The following PNPT1 variants were observed in gnomAD, a reference collection of about 807,000 sequenced individuals.
PNPT1 encodes polyribonucleotide nucleotidyltransferase 1.
Under a neutral mutation model 119.5 loss-of-function variants are expected in PNPT1, and 53 were observed. The observed-to-expected ratio is 0.44, with a 90% CI of 0.36 to 0.56. PNPT1 has a LOEUF of 0.56. Ranked by LOEUF, PNPT1 falls within the 20% of genes least tolerant of loss-of-function variation. The pLI is 0.00. For missense variants in PNPT1, 948 were observed against 938.5 expected (o/e 1.01, Z -0.13); for synonymous variants, 357 against 322.1 (o/e 1.11, Z -1.16).
chr2:55,679,626 G>C, intron 8 of PNPT1, 56 bp downstream of exon 8: 1 of 1,284,294 alleles, frequency 7.8e-7, no homozygotes, highest in African/African-American at 1.5e-5. Flanking sequence ...TTCAGTTTAA[G>C]AAGCCAGAAC....
intron 25 of PNPT1, 86 bp downstream of exon 25, chr2:55,643,072 C>A: frequency 7.1e-7 from 1 of 1,409,756 alleles, no homozygotes; most frequent in Non-Finnish European, 1.0e-6. Flanking sequence ...TACAATGGCA[C>A]CACTGTATCC....
rs184926689 is a variant in PNPT1, at chr2:55,641,137, T to C, written c.2070-432A>G. Among the ~76,000 whole-genome samples the C allele has an allele frequency of 7.7e-3, 1,176 of 152,134 alleles. 11 individuals carry two copies. Among genetic ancestry groups the C allele is most frequent in the Non-Finnish European group, 0.012 (841 of 67,984 alleles). On this transcript the variant is annotated intron_variant, in intron 25 of 27. Transcript: ENST00000447944. ...TACTCAGGAGGGTGAGGCAGGAGAA[T>C]TGTTTGAACCCGAAAGGCGGAGGTG...
At chr2:55,691,587 T>C (rs1268938857) in intron 1 of PNPT1, among the ~76,000 whole-genome samples, 1 of 152,150 alleles carries the variant, frequency 6.6e-6, no homozygotes, top group Admixed American at 6.6e-5. Flanking sequence ...AGATTATTTA[T>C]GGAAAATATG....
intron 8 of PNPT1, among the ~76,000 whole-genome samples, chr2:55,674,917 A>T (rs1282678555): frequency 6.6e-6 from 1 of 152,232 alleles, no homozygotes; most frequent in Admixed American, 6.5e-5. Flanking sequence ...GGAGATTTTT[A>T]AAAATTCATT....
intron 18 of PNPT1, 53 bp downstream of exon 18, chr2:55,654,847 C>T: frequency 6.6e-7 from 1 of 1,524,072 alleles, no homozygotes; most frequent in East Asian, 2.3e-5. Flanking sequence ...AGGCTCATGC[C>T]TGGGATTACA....
chr2:55,639,962 C>A (rs77661583), intron 26 of PNPT1, among the ~76,000 whole-genome samples: 3,615 of 152,216 alleles, frequency 0.024, 142 homozygotes, highest in African/African-American at 0.082. Flanking sequence ...TTTAAGATAA[C>A]CAGCTGTACC....
At chr2:55,648,901 A>G (rs1229038097) in intron 18 of PNPT1, among the ~76,000 whole-genome samples, 1 of 152,096 alleles carries the variant, frequency 6.6e-6, no homozygotes, top group African/African-American at 2.4e-5. Flanking sequence ...ACCATCTTTC[A>G]TTTGTTTAAA....
chr2:55,652,326 C>T (rs1431381212), intron 18 of PNPT1, among the ~76,000 whole-genome samples: 1 of 152,196 alleles, frequency 6.6e-6, no homozygotes, highest in Non-Finnish European at 1.5e-5. Flanking sequence ...TGTATCGGCC[C>T]ATCCCACAGG....
At chr2:55,652,612 C>A (rs2104060584) in intron 18 of PNPT1, among the ~76,000 whole-genome samples, 2 of 152,164 alleles carry the variant, frequency 1.3e-5, no homozygotes, top group Middle Eastern at 3.4e-3. Context: ...TTAAGCAGTC[C>A]CTTTGCTCAT....
chr2:55,666,184 G>T (rs1329886447), intron 13 of PNPT1, among the ~76,000 whole-genome samples: 1 of 152,166 alleles, frequency 6.6e-6, no homozygotes, highest in Non-Finnish European at 1.5e-5. Flanking sequence ...CTGAGGAGGT[G>T]GGGGGCAGGA....
At chr2:55,682,162 C>T (rs1697267959) in intron 5 of PNPT1, among the ~76,000 whole-genome samples, 1 of 150,870 alleles carries the variant, frequency 6.6e-6, no homozygotes, top group African/African-American at 2.4e-5. Flanking sequence ...ACAAACAAAC[C>T]AATAAAAAAT....
chr2:55,637,960 A>G (rs1160653762), intron 26 of PNPT1, among the ~76,000 whole-genome samples: 6 of 148,428 alleles, frequency 4.0e-5, no homozygotes, highest in Non-Finnish European at 7.4e-5. Context: ...AGACCACGCC[A>G]TTGCACTCCA....
intron 21 of PNPT1, among the ~76,000 whole-genome samples, chr2:55,645,749 T>G (rs928387392): frequency 6.6e-6 from 1 of 151,858 alleles, no homozygotes; most frequent in African/African-American, 2.4e-5. Context: ...AGGCTGGTCT[T>G]GAACTCCTGG....
intron 8 of PNPT1, among the ~76,000 whole-genome samples, chr2:55,677,446 T>C (rs536229074): frequency 1.3e-5 from 2 of 151,774 alleles, no homozygotes; most frequent in South Asian, 4.2e-4. Context: ...ATACAAAAAT[T>C]AGCTGGGCAT....
chr2:55,667,971 G>A lies in PNPT1; in HGVS notation c.977-13C>T, dbSNP rs200689366. On this transcript the variant is annotated splice_polypyrimidine_tract_variant and intron_variant, in intron 11 of 27. Coordinates refer to ENST00000447944, the MANE Select transcript of PNPT1 (RefSeq NM_033109.5). Reference sequence around the variant, plus strand: ...TCTGGAAATTTTTCTATAGAAAAAAGACAAACCAAAACAAAGATTTTTACT... The same window carrying A: ...TCTGGAAATTTTTCTATAGAAAAAAAACAAACCAAAACAAAGATTTTTACT... 27 of 1,568,830 alleles carry A rather than the reference G, an allele frequency of 1.7e-5. No homozygotes were observed. The East Asian group carries it at 6.2e-4, about 36-fold the overall frequency.
intron 7 of PNPT1, 54 bp from the exon 8 acceptor site, chr2:55,679,849 G>T: frequency 8.1e-7 from 1 of 1,238,300 alleles, no homozygotes; most frequent in East Asian, 2.4e-5. Flanking sequence ...CAGTTTTCAA[G>T]ACATTATTCC....
chr2:55,684,216 A>G (rs782570), intron 4 of PNPT1, among the ~76,000 whole-genome samples: 141,526 of 152,312 alleles, frequency 0.93, 66,293 homozygotes, highest in African/African-American at 0.96. Flanking sequence ...TTTCTGGCCG[A>G]GCACAGTGGT....
intron 1 of PNPT1, among the ~76,000 whole-genome samples, chr2:55,691,868 A>ATTTTT (rs1697616478): frequency 2.4e-5 from 1 of 42,178 alleles, no homozygotes; most frequent in Non-Finnish European, 5.6e-5. Context: ...ATATATATAT[A>ATTTTT]TATATATATA....
rs190016984 is a variant in PNPT1 at position 55,649,959 on chromosome 2, T to C, written c.1496-2506A>G. Among the ~76,000 whole-genome samples, 9 of 152,314 alleles carry C rather than the reference T, an allele frequency of 5.9e-5. No homozygotes were observed. The East Asian group carries it at 1.7e-3, about 29-fold the overall frequency. ...ATACTGAATTGGAAAAATGCTGGCT[T>C]TAAGTCCAAACTCCTTAGCGTAACA... On this transcript the variant is annotated intron_variant, in intron 18 of 27. Transcript: ENST00000447944.
Sources: allele counts gnomAD v4.1 joint callset (sites outside exome capture counted in the v4.1 genomes callset), GRCh38; gene constraint gnomAD v4.1.1; transcripts MANE v1.5; gene names NCBI Gene and HGNC (gene_info 2026-07-23, HGNC 2026-07-21).